Variants in SOX5 observed in about 807,000 individuals in gnomAD.
The protein encoded by SOX5 is transcription factor SOX-5.
In SOX5, 9 loss-of-function variants were observed where a neutral mutation model predicts 92.0. The observed-to-expected ratio is 0.10, with a 90% CI of 0.06 to 0.17. The LOEUF (loss-of-function observed/expected upper bound fraction) is 0.17. Among genes scored for constraint, SOX5 ranks in the 10% least tolerant of loss-of-function variants. The pLI, the probability that SOX5 is intolerant of heterozygous loss-of-function variation, is 1.00. For synonymous variants in SOX5, 344 were observed against 336.3 expected, an observed-to-expected ratio of 1.02 and a Z score of -0.25; for missense variants, 642 against 944.5, an observed-to-expected ratio of 0.68 and a Z score of 4.20.
chr12:24,095,126 C>CAGAGAGAGAG (rs1469520600), intron 4 of SOX5, among the ~76,000 whole-genome samples: 46 of 90,196 alleles, frequency 5.1e-4, no homozygotes, highest in East Asian at 9.4e-4. Flanking sequence ...CACACACACA[C>CAGAGAGAGAG]ACAGAGAGAG....
chr12:23,604,458 G>C lies in SOX5; in HGVS notation c.1093C>G (p.Leu365Val). The change falls in exon 9 of 15, where the codon CTT becomes GTT. Residue 365 changes from leucine (L) to valine (V), a missense_variant. This residue lies in a region of SOX5 where 324 missense variants were observed against 461.6 expected (regional missense o/e 0.70). Transcript: ENST00000451604. ...GKLPGIPQGN[L>V]GAAVSPTSIH... ...CTGGTAGGAGATACAGCAGCACCAAGGTTGCCTTGGGGTATGCCTGGCAGC... is the reference window on the plus strand; with the variant it reads ...CTGGTAGGAGATACAGCAGCACCAACGTTGCCTTGGGGTATGCCTGGCAGC... 6.2e-7 allele frequency: 1 copy of C among 1,613,874 alleles called. No individual in the cohort carries two copies. Among genetic ancestry groups the C allele is most frequent in the South Asian group, 1.1e-5 (1 of 91,076 alleles).
chr12:24,235,619 CA>C (rs1964316085), intron 3 of SOX5, among the ~76,000 whole-genome samples: 1 of 152,090 alleles, frequency 6.6e-6, no homozygotes, highest in African/African-American at 2.4e-5. Flanking sequence ...AGAGGAAGGG[CA>C]AAACGTTTAT....
rs1388726328 is a variant in SOX5 at position 24,007,205 on chromosome 12, T to A, written c.-1-111181A>T. On this transcript the variant is annotated intron_variant, in intron 4 of 4. Transcript: ENST00000446891. The stretch of plus-strand genomic sequence containing the variant: ...TATATATAAATGTATATAAATGTAT[T>A]TATATATATAAATGTATATAAATGT... Among the ~76,000 whole-genome samples the A allele has an allele frequency of 4.6e-4, 23 of 50,194 alleles. 4 individuals carry two copies. The highest frequency in any genetic ancestry group is 1.3e-3 in the African/African-American group (20 of 15,692). The allele number at this position is 50,194 out of a possible 152,430, so 32.9% of individuals were successfully genotyped here. A position where few individuals can be genotyped will look rare whatever the true frequency, so the allele number is the denominator to read the frequency against.
At chr12:24,352,748 G>C (rs1193192000) in intron 2 of SOX5, among the ~76,000 whole-genome samples, 2 of 151,984 alleles carry the variant, frequency 1.3e-5, no homozygotes, top group South Asian at 2.1e-4. Context: ...GCAGACCCAG[G>C]ACAAGAGAAC....
At chr12:23,637,537 C>A (rs563552520) in intron 8 of SOX5, among the ~76,000 whole-genome samples, 2 of 152,242 alleles carry the variant, frequency 1.3e-5, no homozygotes, top group African/African-American at 2.4e-5. Context: ...TCTTTCCATT[C>A]CCACAATATA....
intron 1 of SOX5, among the ~76,000 whole-genome samples, chr12:24,497,572 G>C (rs4131684): frequency 0.28 from 42,016 of 152,076 alleles, 6,946 homozygotes; most frequent in East Asian, 0.71. Context: ...AGGTTATGAA[G>C]AAAAAGGAAT....
intron 11 of SOX5, among the ~76,000 whole-genome samples, chr12:23,558,301 G>T (rs1945593639): frequency 6.6e-6 from 1 of 152,124 alleles, no homozygotes; most frequent in Non-Finnish European, 1.5e-5. Context: ...GCCAGTAATG[G>T]TCTTAAAGAT....
chr12:24,058,282 G>T, intron 4 of SOX5, among the ~76,000 whole-genome samples: 1 of 152,100 alleles, frequency 6.6e-6, no homozygotes, highest in Non-Finnish European at 1.5e-5. Flanking sequence ...ATTTTAAACC[G>T]ATGTGCACAA....
At chr12:23,850,435 AAAATAAATAAATAAAT>A (rs1262519512) in intron 2 of SOX5, among the ~76,000 whole-genome samples, 1 of 114,622 alleles carries the variant, frequency 8.7e-6, no homozygotes. Flanking sequence ...CTACAAAAAA[AAAATAAATAAATAAAT>A]AAAAAAAAAA....
At chr12:23,886,628 G>A (rs1263730707) in intron 2 of SOX5, among the ~76,000 whole-genome samples, 2 of 151,790 alleles carry the variant, frequency 1.3e-5, no homozygotes, top group African/African-American at 4.8e-5. Flanking sequence ...CTTATATTAA[G>A]TTTATACAGT....
At chr12:24,085,956 T>TA (rs144400872) in intron 4 of SOX5, among the ~76,000 whole-genome samples, 4,545 of 138,418 alleles carry the variant, frequency 0.033, 67 homozygotes, top group African/African-American at 0.062. Flanking sequence ...ACGGATATGC[T>TA]AAAAAAAAAA....
chr12:24,059,180 A>G (rs908954468), intron 4 of SOX5, among the ~76,000 whole-genome samples: 1 of 152,224 alleles, frequency 6.6e-6, no homozygotes, highest in African/African-American at 2.4e-5. Flanking sequence ...CTGATCTCTA[A>G]GAGATTTCAA....
intron 1 of SOX5, among the ~76,000 whole-genome samples, chr12:23,939,141 A>G (rs1943153071): frequency 6.6e-6 from 1 of 151,038 alleles, no homozygotes; most frequent in Admixed American, 6.6e-5. Context: ...GCTGAAACCC[A>G]AACGATGCAA....
intron 4 of SOX5, among the ~76,000 whole-genome samples, chr12:24,006,262 T>C (rs2136439245): frequency 6.6e-6 from 1 of 152,324 alleles, no homozygotes; most frequent in Non-Finnish European, 1.5e-5. Context: ...AAAGAGAATC[T>C]TTTAATGTAC....
chr12:23,889,993 T>C (rs2097111842), intron 2 of SOX5, among the ~76,000 whole-genome samples: 1 of 152,280 alleles, frequency 6.6e-6, no homozygotes, highest in Non-Finnish European at 1.5e-5. Flanking sequence ...AATTCAGCTG[T>C]CTGTAGAATG....
intron 1 of SOX5, among the ~76,000 whole-genome samples, chr12:24,408,704 A>T (rs1712278319): frequency 6.6e-6 from 1 of 152,214 alleles, no homozygotes; most frequent in South Asian, 2.1e-4. Context: ...TTGTTGCTGA[A>T]TAGTGTTCTA....
At chr12:23,600,552 T>C (rs187442926) in intron 9 of SOX5, among the ~76,000 whole-genome samples, 2,890 of 95,180 alleles carry the variant, frequency 0.03, 241 homozygotes, top group Admixed American at 0.081. Context: ...TATATATATA[T>C]ACACATACTT....
chr12:24,274,746 C>T (rs1414576727), intron 3 of SOX5, among the ~76,000 whole-genome samples: 1 of 151,818 alleles, frequency 6.6e-6, no homozygotes, highest in Non-Finnish European at 1.5e-5. Flanking sequence ...ATTTTTCACT[C>T]ATCTTAGAGT....
intron 2 of SOX5, among the ~76,000 whole-genome samples, chr12:24,290,655 A>G (rs1946517877): frequency 6.6e-6 from 1 of 152,136 alleles, no homozygotes; most frequent in African/African-American, 2.4e-5. Context: ...TCTCCCAGCC[A>G]CACTGGTGGT....
Sources: allele counts gnomAD v4.1 joint callset (sites outside exome capture counted in the v4.1 genomes callset), GRCh38; gene constraint gnomAD v4.1.1; regional missense constraint gnomAD v4.1.1; transcripts MANE v1.5; gene names NCBI Gene and HGNC (gene_info 2026-07-23, HGNC 2026-07-21).